The following GALNT14 variants were observed in gnomAD, a reference collection of about 807,000 sequenced individuals.
GALNT14 encodes the protein polypeptide N-acetylgalactosaminyltransferase 14.
A neutral mutation model predicts 77.5 loss-of-function variants in GALNT14; 60 were observed. The ratio of observed to expected loss-of-function variants is 0.77; its 90% CI spans 0.63 to 0.96. GALNT14 has a LOEUF of 0.96. Ranked by LOEUF, GALNT14 falls within the 40% of genes least tolerant of loss-of-function variation. GALNT14 has a pLI of 0.00. For synonymous variants in GALNT14, 280 were observed against 281.7 expected (o/e 0.99, Z 0.06); for missense variants, 710 against 731.0 (o/e 0.97, Z 0.33).
chr2:31,104,196 T>C lies in GALNT14; in HGVS notation c.129+33762A>G, dbSNP rs142242452. The stretch of plus-strand genomic sequence containing the variant: ...TTTCTGTCTCTCTTTTTATTTATTG[T>C]TTACTTCACCATTCTTTATTAATTT... On this transcript the variant is annotated intron_variant, in intron 1 of 14. Coordinates refer to ENST00000349752, the MANE Select transcript of GALNT14 (RefSeq NM_024572.4). 1.8e-3 allele frequency among the ~76,000 whole-genome samples: 275 copies of C among 152,328 alleles called. 3 individuals are homozygous for C. The highest frequency in any genetic ancestry group is 6.3e-3 in the African/African-American group (262 of 41,576).
At chr2:31,081,684 G>T in intron 1 of GALNT14, among the ~76,000 whole-genome samples, 1 of 152,288 alleles carries the variant, frequency 6.6e-6, no homozygotes, top group South Asian at 2.1e-4. Flanking sequence ...CTGCAAAATT[G>T]ATTCAATGAA....
At chr2:30,985,756 C>T (rs987613450) in intron 2 of GALNT14, among the ~76,000 whole-genome samples, 1 of 152,266 alleles carries the variant, frequency 6.6e-6, no homozygotes, top group African/African-American at 2.4e-5. Context: ...ACATGGGGGA[C>T]CAGAATGTCA....
chr2:30,924,853 A>G, intron 11 of GALNT14, 30 bp from the exon 12 acceptor site: 1 of 1,599,534 alleles, frequency 6.3e-7, no homozygotes, highest in African/African-American at 1.3e-5. Context: ...GGACAGACAC[A>G]AAGACAAAAC....
In GALNT14 at chr2:31,059,967, C is replaced by G. The variant is rs540247854; in HGVS notation, c.130-66960G>C. ...CCAAATTATATTTCCCCTACTCTTTCAATGGGAATTCCCAACTCTCCTTGA... is the reference window on the plus strand; with the variant it reads ...CCAAATTATATTTCCCCTACTCTTTGAATGGGAATTCCCAACTCTCCTTGA... On this transcript the variant is annotated intron_variant, in intron 1 of 14. Coordinates refer to ENST00000349752, the MANE Select transcript of GALNT14 (RefSeq NM_024572.4). 3.3e-5 allele frequency among the ~76,000 whole-genome samples: 5 copies of G among 152,322 alleles called. No individual in the cohort carries two copies. In the South Asian group the frequency reaches 1.0e-3, roughly 32 times the overall value.
chr2:30,964,554 T>C (rs2148338511), intron 3 of GALNT14, among the ~76,000 whole-genome samples: 1 of 152,240 alleles, frequency 6.6e-6, no homozygotes, highest in East Asian at 1.9e-4. Flanking sequence ...AGCTATTGCC[T>C]GGTTGGGAAA....
At chr2:30,889,139 G>C in the GALNT14 span, among the ~76,000 whole-genome samples, 1 of 151,998 alleles carries the variant, frequency 6.6e-6, no homozygotes, top group Non-Finnish European at 1.5e-5. Flanking sequence ...TTAGCCACCC[G>C]GATTTATTAT....
At chr2:30,955,001 G>A (rs76720047) in intron 6 of GALNT14, among the ~76,000 whole-genome samples, 1,603 of 152,340 alleles carry the variant, frequency 0.011, 23 homozygotes, top group African/African-American at 0.037. Context: ...CAGTAGGGAA[G>A]TGGATAGACT....
In GALNT14 at chr2:30,993,564, G is replaced by A. The variant is rs113360515; in HGVS notation, c.130-557C>T. Among the ~76,000 whole-genome samples the A allele has an allele frequency of 7.0e-3, 1,070 of 152,324 alleles. 5 individuals are homozygous for A. Among genetic ancestry groups the A allele is most frequent in the Non-Finnish European group, 0.012 (806 of 68,030 alleles). ...GGAGGAGTTCCGTCTACAGTGGTGT[G>A]CTACTCACCACCACCCTATCTGTTC... On this transcript the variant is annotated intron_variant, in intron 1 of 14. Coordinates refer to ENST00000349752, the MANE Select transcript of GALNT14 (RefSeq NM_024572.4).
At chr2:30,955,588 G>A in intron 6 of GALNT14, 30 bp downstream of exon 6, 1 of 1,607,640 alleles carries the variant, frequency 6.2e-7, no homozygotes, top group Non-Finnish European at 8.5e-7. Context: ...TGGGGCACGA[G>A]GCCCGGCCCT....
intron 1 of GALNT14, chr2:31,079,190 G>C: frequency 9.4e-6 from 5 of 530,120 alleles, no homozygotes; most frequent in Non-Finnish European, 1.4e-5. Context: ...GTGGAAGTTG[G>C]CTGGACAAGA....
chr2:30,946,686 A>T (rs1666718003), intron 6 of GALNT14, among the ~76,000 whole-genome samples: 1 of 152,198 alleles, frequency 6.6e-6, no homozygotes, highest in Non-Finnish European at 1.5e-5. Flanking sequence ...GGACTGATAC[A>T]GCTGGGAAGG....
At chr2:30,981,426 A>G (rs1668981705) in intron 2 of GALNT14, among the ~76,000 whole-genome samples, 1 of 152,192 alleles carries the variant, frequency 6.6e-6, no homozygotes, top group Non-Finnish European at 1.5e-5. Context: ...GCTGTGTTTA[A>G]TAGGTCCGGG....
chr2:30,920,630 T>TACACACAC (rs140659655), intron 13 of GALNT14, among the ~76,000 whole-genome samples: 2,910 of 145,144 alleles, frequency 0.02, 113 homozygotes, highest in African/African-American at 0.069. Context: ...GAGTGTATGC[T>TACACACAC]ACACACACAC....
chr2:30,957,642 G>A (rs572557919), intron 4 of GALNT14, among the ~76,000 whole-genome samples: 10 of 152,286 alleles, frequency 6.6e-5, no homozygotes, highest in African/African-American at 2.2e-4. Context: ...TCCAGCCTTC[G>A]TACAGCAGAC....
At chr2:31,015,595 C>T (rs1384618764) in intron 1 of GALNT14, among the ~76,000 whole-genome samples, 1 of 152,146 alleles carries the variant, frequency 6.6e-6, no homozygotes, top group Non-Finnish European at 1.5e-5. Flanking sequence ...CTGGCCAGTA[C>T]CACCCTAGCC....
chr2:30,901,404 T>C, the GALNT14 span, among the ~76,000 whole-genome samples: 1 of 152,048 alleles, frequency 6.6e-6, no homozygotes, highest in Non-Finnish European at 1.5e-5. Context: ...CTAATCCACA[T>C]AGTAGAGCAT....
chr2:31,136,284 C>G (rs1290079363), intron 1 of GALNT14, among the ~76,000 whole-genome samples: 1 of 152,234 alleles, frequency 6.6e-6, no homozygotes, highest in Non-Finnish European at 1.5e-5. Context: ...CCAACCTCCA[C>G]ATACTTTGTG....
intron 4 of GALNT14, 52 bp from the exon 5 acceptor site, chr2:30,956,029 G>T: frequency 6.3e-7 from 1 of 1,581,330 alleles, no homozygotes; most frequent in Non-Finnish European, 8.7e-7. Context: ...GGACCTACGT[G>T]TTACAATTGT....
At chr2:31,126,572 T>C (rs1678714211) in intron 1 of GALNT14, 2 of 152,212 alleles carry the variant, frequency 1.3e-5, no homozygotes, top group East Asian at 1.9e-4. Flanking sequence ...CAGGCTCAGA[T>C]TGTTAGTTCT....
Sources: gnomAD v4.1 joint callset for allele counts (sites outside exome capture counted in the v4.1 genomes callset) on GRCh38, gnomAD v4.1.1 for gene constraint, MANE v1.5 for transcripts, NCBI Gene and HGNC (gene_info 2026-07-23, HGNC 2026-07-21) for gene names.